DCAF6: variants seen among roughly 807,000 people sequenced by gnomAD.
The protein encoded by DCAF6 is DDB1- and CUL4-associated factor 6.
A neutral mutation model predicts 125.1 loss-of-function variants in DCAF6; 54 were observed. The observed-to-expected ratio is 0.43, with a 90% CI of 0.35 to 0.54. DCAF6 has a LOEUF of 0.54. DCAF6 is among the 20% of genes least tolerant of loss of function. DCAF6 has a pLI of 0.01. For synonymous variants in DCAF6, 371 were observed against 390.4 expected (o/e 0.95, Z 0.58); for missense variants, 934 against 1,161.7 (o/e 0.80, Z 2.85).
intron 11 of DCAF6, among the ~76,000 whole-genome samples, 191 bp from the exon 12 acceptor site, chr1:168,022,797 C>A (rs1373055612): frequency 6.6e-6 from 1 of 152,210 alleles, no homozygotes; most frequent in African/African-American, 2.4e-5. Flanking sequence ...CTCAAAGTTA[C>A]TAAATGCTTG....
At chr1:167,937,342 A>C in intron 1 of DCAF6, 1 of 307,220 alleles carries the variant, frequency 3.3e-6, no homozygotes. Flanking sequence ...TTAGAGCAAA[A>C]GTTAGCTCTT....
At chr1:168,016,871 A>G (rs970545499) in intron 11 of DCAF6, among the ~76,000 whole-genome samples, 1 of 152,002 alleles carries the variant, frequency 6.6e-6, no homozygotes, top group African/African-American at 2.4e-5. Flanking sequence ...TACCCTAAAG[A>G]GTGATGAGTT....
At chr1:167,893,955 A>G in the DCAF6 span, 1 of 1,600,940 alleles carries the variant, frequency 6.2e-7, no homozygotes, top group Non-Finnish European at 8.6e-7. Flanking sequence ...AGAAGGCAGA[A>G]GGAGGGTGCA....
At chr1:167,878,632 AT>A in the DCAF6 span, 1 of 1,613,900 alleles carries the variant, frequency 6.2e-7, no homozygotes, top group African/African-American at 1.3e-5. Context: ...TTTTTGACCA[AT>A]GACTATAGCA....
intron 1 of DCAF6, among the ~76,000 whole-genome samples, chr1:167,938,981 A>G (rs1372849828): frequency 6.6e-6 from 1 of 152,212 alleles, no homozygotes; most frequent in African/African-American, 2.4e-5. Context: ...TTTATCTTAA[A>G]TAATATTTTA....
chr1:167,933,609 T>A (rs1670975509), upstream of DCAF6, among the ~76,000 whole-genome samples: 1 of 152,220 alleles, frequency 6.6e-6, no homozygotes, highest in Non-Finnish European at 1.5e-5. Flanking sequence ...TGTAGGTGAA[T>A]CTAGAAAAAT....
chr1:167,948,061 A>C (rs1247941496), intron 1 of DCAF6, among the ~76,000 whole-genome samples: 1 of 151,024 alleles, frequency 6.6e-6, no homozygotes, highest in African/African-American at 2.4e-5. Context: ...GTCGGGTGCA[A>C]ATATGTATTT....
intron 4 of DCAF6, among the ~76,000 whole-genome samples, chr1:167,983,472 T>G (rs977155218): frequency 1.3e-5 from 2 of 152,198 alleles, no homozygotes; most frequent in African/African-American, 4.8e-5. Context: ...TTTAAATGCC[T>G]TGAACCAATA....
intron 12 of DCAF6, among the ~76,000 whole-genome samples, chr1:168,037,688 C>T (rs1307723804): frequency 6.6e-6 from 1 of 152,080 alleles, no homozygotes; most frequent in Non-Finnish European, 1.5e-5. Context: ...TTATAGACAT[C>T]ATCTATAGGC....
At chr1:167,899,691 GTTTT>G in the DCAF6 span, 1 of 1,531,212 alleles carries the variant, frequency 6.5e-7, no homozygotes, top group Non-Finnish European at 9.0e-7. Context: ...AGCAGCACAG[GTTTT>G]TGGAAAAACC....
the DCAF6 span, among the ~76,000 whole-genome samples, chr1:167,908,323 C>T: frequency 2.6e-5 from 4 of 152,170 alleles, no homozygotes; most frequent in East Asian, 1.9e-4. Flanking sequence ...AAATATTGAA[C>T]GATCTCACTT....
At chr1:167,905,063 A>G in the DCAF6 span, 1 of 1,614,228 alleles carries the variant, frequency 6.2e-7, no homozygotes, top group Non-Finnish European at 8.5e-7. Flanking sequence ...AGAAATGTCC[A>G]TAGACAATGA....
chr1:168,075,484 A>G lies in DCAF6; in HGVS notation c.*49A>G. On this transcript the variant is annotated 3_prime_UTR_variant, in exon 22 of 22. Transcript: ENST00000367840. ...AAATGTTCTGAAATTTGTATAAGACATTTATTATATTTTTTTCTTTACAGA... is the reference window on the plus strand; with the variant it reads ...AAATGTTCTGAAATTTGTATAAGACGTTTATTATATTTTTTTCTTTACAGA... 2.0e-6 allele frequency: 3 copies of G among 1,478,478 alleles called. No individual in the cohort carries two copies. The highest frequency in any genetic ancestry group is 2.7e-6 in the Non-Finnish European group (3 of 1,103,326). The allele number at this position is 1,478,478 out of a possible 1,614,324, so 91.6% of individuals were successfully genotyped here. A position where few individuals can be genotyped will look rare whatever the true frequency, so the allele number is the denominator to read the frequency against.
intron 18 of DCAF6, 24 bp from the exon 19 acceptor site, chr1:168,065,566 T>C: frequency 2.7e-6 from 4 of 1,477,712 alleles, no homozygotes; most frequent in Non-Finnish European, 3.7e-6. Context: ...TTTGAATTTT[T>C]AAATAATTTT....
the DCAF6 span, among the ~76,000 whole-genome samples, chr1:167,882,542 C>T: frequency 6.6e-6 from 1 of 151,208 alleles, no homozygotes; most frequent in Non-Finnish European, 1.5e-5. Flanking sequence ...GAGGCAGTCC[C>T]CTCCCTGCCA....
chr1:167,931,459 G>A (rs193040695), upstream of DCAF6, among the ~76,000 whole-genome samples: 63 of 151,728 alleles, frequency 4.2e-4, no homozygotes, highest in Non-Finnish European at 8.4e-4. Context: ...ATCTATTTTA[G>A]TTATCTCTTA....
chr1:167,910,213 G>T, the DCAF6 span, among the ~76,000 whole-genome samples: 5 of 152,264 alleles, frequency 3.3e-5, no homozygotes, highest in South Asian at 1.0e-3. Flanking sequence ...GTGTTTCCTT[G>T]TTGGTACTAA....
chr1:168,007,400 G>T (rs950026110), intron 10 of DCAF6, among the ~76,000 whole-genome samples: 10 of 151,634 alleles, frequency 6.6e-5, no homozygotes, highest in African/African-American at 2.4e-4. Context: ...TGCTGCTTTC[G>T]TAATGAGAAT....
In DCAF6 at chr1:167,936,785, C is replaced by T. The variant is rs1374210393; in HGVS notation, c.-127C>T. 1 of 821,628 alleles carries T rather than the reference C, an allele frequency of 1.2e-6. No homozygotes were observed. Among genetic ancestry groups the T allele is most frequent in the Non-Finnish European group, 1.9e-6 (1 of 516,602 alleles). 50.9% of individuals were successfully genotyped at this position (821,628 alleles called of 1,614,324 possible). A position where few individuals can be genotyped will look rare whatever the true frequency, so the allele number is the denominator to read the frequency against. ...CGCCGCTGCTGCCACCGCCATCTAA[C>T]GCTGCGCCCTGGAGGCCCGGCGCGC... On this transcript the variant is annotated 5_prime_UTR_variant, in exon 1 of 22. It adds an upstream start codon to the 5' untranslated region. Coordinates refer to ENST00000367840, the MANE Select transcript of DCAF6 (RefSeq NM_001198956.2).
Sources: allele counts gnomAD v4.1 joint callset (sites outside exome capture counted in the v4.1 genomes callset), GRCh38; gene constraint gnomAD v4.1.1; transcripts MANE v1.5; gene names NCBI Gene and HGNC (gene_info 2026-07-23, HGNC 2026-07-21).